HDAC9: variants seen among roughly 807,000 people sequenced by gnomAD.
HDAC9 encodes the protein histone deacetylase 9.
Under a neutral mutation model 139.4 loss-of-function variants are expected in HDAC9, and 41 were observed. That is an observed-to-expected ratio of 0.29 (90% CI 0.23 to 0.38). The LOEUF (loss-of-function observed/expected upper bound fraction) is 0.38, where lower values mean the gene tolerates loss of function less well. Ranked by LOEUF, HDAC9 falls within the 10% of genes least tolerant of loss-of-function variation. The pLI is 1.00. For missense variants in HDAC9, 1,147 were observed against 1,297.0 expected (o/e 0.88, Z 1.78); for synonymous variants, 517 against 476.2 (o/e 1.09, Z -1.12).
intron 1 of HDAC9, among the ~76,000 whole-genome samples, chr7:18,144,560 T>A (rs749090730): frequency 1.3e-5 from 2 of 152,186 alleles, no homozygotes; most frequent in Non-Finnish European, 2.9e-5. Flanking sequence ...CTGTACCTAG[T>A]CATACCCTCC....
At chr7:18,169,625 G>T (rs570729322) in intron 2 of HDAC9, among the ~76,000 whole-genome samples, 3 of 151,818 alleles carry the variant, frequency 2.0e-5, no homozygotes, top group African/African-American at 4.8e-5. Context: ...CCCACCGCAC[G>T]ACAGGCCCCG....
chr7:18,116,341 C>G (rs1783981536), intron 1 of HDAC9, among the ~76,000 whole-genome samples: 1 of 151,968 alleles, frequency 6.6e-6, no homozygotes, highest in South Asian at 2.1e-4. Context: ...ATGTTACTTG[C>G]TAAAATTTTT....
At chr7:18,285,225 A>G (rs1018923490) in intron 2 of HDAC9, among the ~76,000 whole-genome samples, 2 of 152,138 alleles carry the variant, frequency 1.3e-5, no homozygotes, top group South Asian at 2.1e-4. Context: ...ATACCAAGTC[A>G]TAATGTATAT....
At chr7:18,390,966 G>A (rs939744936) in intron 1 of HDAC9, among the ~76,000 whole-genome samples, 51 of 152,294 alleles carry the variant, frequency 3.3e-4, no homozygotes, top group African/African-American at 1.1e-3. Flanking sequence ...GCACACACCT[G>A]TAGTCCCAGC....
At chr7:18,100,590 A>G (rs538490797) in intron 1 of HDAC9, among the ~76,000 whole-genome samples, 1 of 152,044 alleles carries the variant, frequency 6.6e-6, no homozygotes, top group Non-Finnish European at 1.5e-5. Flanking sequence ...TGTAGTTTTC[A>G]TCTCTTGAAG....
chr7:18,882,385 G>C (rs771821057), intron 22 of HDAC9, among the ~76,000 whole-genome samples: 2 of 152,026 alleles, frequency 1.3e-5, no homozygotes, highest in South Asian at 4.1e-4. Context: ...TGGTCTCCTT[G>C]TAACAGTGGG....
chr7:18,200,876 C>G (rs943361771), intron 2 of HDAC9, among the ~76,000 whole-genome samples: 1 of 152,142 alleles, frequency 6.6e-6, no homozygotes, highest in African/African-American at 2.4e-5. Context: ...TGAGATGGCT[C>G]TGGCTCTTGG....
intron 1 of HDAC9, among the ~76,000 whole-genome samples, chr7:18,328,587 A>G (rs1444051276): frequency 6.6e-6 from 1 of 151,916 alleles, no homozygotes; most frequent in East Asian, 1.9e-4. Flanking sequence ...TTTTGTGAAT[A>G]TGGTGTTCAC....
chr7:18,724,626 G>T (rs921218363), intron 12 of HDAC9, among the ~76,000 whole-genome samples: 2 of 152,118 alleles, frequency 1.3e-5, no homozygotes, highest in African/African-American at 4.8e-5. Context: ...AAGTAATTGT[G>T]CTATGACATT....
At chr7:18,360,789 A>C (rs545228716) in intron 1 of HDAC9, among the ~76,000 whole-genome samples, 11 of 152,118 alleles carry the variant, frequency 7.2e-5, no homozygotes, top group Non-Finnish European at 1.3e-4. Flanking sequence ...CCAAGAGTTG[A>C]CATTTTTTTA....
intron 22 of HDAC9, among the ~76,000 whole-genome samples, chr7:18,900,803 C>G (rs1220316867): frequency 1.3e-5 from 2 of 152,064 alleles, no homozygotes. Flanking sequence ...ACGAATACCA[C>G]CCCTACCCTG....
At chr7:18,492,281 CT>C (rs1398218048), upstream of HDAC9, among the ~76,000 whole-genome samples, 2 of 151,802 alleles carry the variant, frequency 1.3e-5, no homozygotes, top group African/African-American at 4.8e-5. Flanking sequence ...GGGATTGTGT[CT>C]TTCAGGATTG....
At chr7:18,707,029 C>T (rs1306558987) in intron 12 of HDAC9, among the ~76,000 whole-genome samples, 1 of 152,020 alleles carries the variant, frequency 6.6e-6, no homozygotes, top group African/African-American at 2.4e-5. Context: ...ACTGGTTACC[C>T]CCAAGAAGAA....
intron 1 of HDAC9, among the ~76,000 whole-genome samples, chr7:18,112,075 A>G (rs987357052): frequency 8.5e-5 from 13 of 152,366 alleles, no homozygotes; most frequent in African/African-American, 3.1e-4. Context: ...TAAAAATATT[A>G]AAGCTCATCC....
At chr7:18,836,740 C>T (rs1796264936) in intron 21 of HDAC9, among the ~76,000 whole-genome samples, 5 of 152,048 alleles carry the variant, frequency 3.3e-5, no homozygotes, top group African/African-American at 1.2e-4. Flanking sequence ...GTAGTTTAAA[C>T]GTTAGTCTTT....
intron 1 of HDAC9, among the ~76,000 whole-genome samples, chr7:18,141,594 T>G (rs114492607): frequency 5.6e-4 from 86 of 152,298 alleles, no homozygotes; most frequent in African/African-American, 1.9e-3. Flanking sequence ...AAATAAAATT[T>G]TAAACTGCTG....
chr7:18,223,477 A>G (rs1464325892), intron 2 of HDAC9, among the ~76,000 whole-genome samples: 2 of 150,770 alleles, frequency 1.3e-5, no homozygotes, highest in East Asian at 2.0e-4. Context: ...AGAATACTTT[A>G]GCTTCCCTTT....
intron 17 of HDAC9, among the ~76,000 whole-genome samples, chr7:18,800,899 G>T (rs1469281432): frequency 6.6e-6 from 1 of 151,912 alleles, no homozygotes; most frequent in Non-Finnish European, 1.5e-5. Flanking sequence ...GGTAATTTGT[G>T]TTTTTGAAAA....
At chr7:18,924,832 C>T (rs768742538) in intron 22 of HDAC9, among the ~76,000 whole-genome samples, 20 of 151,892 alleles carry the variant, frequency 1.3e-4, no homozygotes, top group South Asian at 4.1e-4. Flanking sequence ...ATTCAGAAAC[C>T]GTGAGGATGA....
Sources: gnomAD v4.1 joint callset for allele counts (sites outside exome capture counted in the v4.1 genomes callset) on GRCh38, gnomAD v4.1.1 for gene constraint, MANE v1.5 for transcripts, NCBI Gene and HGNC (gene_info 2026-07-23, HGNC 2026-07-21) for gene names.